The following SYN3 variants were observed in gnomAD, a reference collection of about 807,000 sequenced individuals.
SYN3 encodes synapsin-3.
A neutral mutation model predicts 65.8 loss-of-function variants in SYN3; 35 were observed. The observed-to-expected ratio is 0.53, with a 90% confidence interval of 0.41 to 0.70. The LOEUF (loss-of-function observed/expected upper bound fraction) is 0.70, where lower values mean the gene tolerates loss of function less well. Ranked by LOEUF, SYN3 falls within the 30% of genes least tolerant of loss-of-function variation. SYN3 has a pLI of 0.00. For missense variants in SYN3, 680 were observed against 749.0 expected, an observed-to-expected ratio of 0.91 and a Z score of 1.08; for synonymous variants, 270 against 292.9, an observed-to-expected ratio of 0.92 and a Z score of 0.80.
Position 32,927,545 on chromosome 22 carries a change from T to C in SYN3, c.461+3845A>G, listed in dbSNP as rs893158620. On this transcript the variant is annotated intron_variant, in intron 4 of 13. Transcript: ENST00000358763. ...ATTTACAGGCGTGAGCCACCACACCTGGCCATGTTTACTTTCTTCCCTGAC... is the reference window on the plus strand; with the variant it reads ...ATTTACAGGCGTGAGCCACCACACCCGGCCATGTTTACTTTCTTCCCTGAC... 8.5e-5 allele frequency among the ~76,000 whole-genome samples: 13 copies of C among 152,150 alleles called. 1 individual carries two copies. Among genetic ancestry groups the C allele is most frequent in the Admixed American group, 2.0e-4 (3 of 15,274 alleles).
intron 3 of SYN3, among the ~76,000 whole-genome samples, chr22:32,969,982 T>C (rs2051968513): frequency 6.6e-6 from 1 of 152,366 alleles, no homozygotes; most frequent in Middle Eastern, 3.4e-3. Context: ...TCCCACAAAC[T>C]GCACTGCAAA....
intron 13 of SYN3, among the ~76,000 whole-genome samples, chr22:32,516,336 A>C (rs1410467802): frequency 2.7e-5 from 4 of 146,532 alleles, no homozygotes; most frequent in East Asian, 1.9e-4. Context: ...GCTTTTCAAC[A>C]TACATCTTTG....
At chr22:32,686,147 C>G (rs914126582) in intron 6 of SYN3, among the ~76,000 whole-genome samples, 1 of 151,970 alleles carries the variant, frequency 6.6e-6, no homozygotes, top group South Asian at 2.1e-4. Flanking sequence ...AATAATTTAG[C>G]GAATATGGGT....
At chr22:32,624,895 G>A (rs1247595118) in intron 6 of SYN3, among the ~76,000 whole-genome samples, 1 of 152,198 alleles carries the variant, frequency 6.6e-6, no homozygotes, top group East Asian at 1.9e-4. Context: ...CTCAGAAAGA[G>A]GATGTCACTT....
intron 6 of SYN3, among the ~76,000 whole-genome samples, chr22:32,840,175 G>T (rs929110696): frequency 2.0e-5 from 3 of 152,188 alleles, no homozygotes; most frequent in African/African-American, 7.2e-5. Context: ...CAGCTTTCCA[G>T]ATTTTCTGAG....
At chr22:32,970,582 G>C (rs944935913) in intron 3 of SYN3, among the ~76,000 whole-genome samples, 1 of 150,744 alleles carries the variant, frequency 6.6e-6, no homozygotes, top group Non-Finnish European at 1.5e-5. Context: ...TAAAGACGGA[G>C]AGCTACGTTT....
At chr22:32,674,383 C>A (rs552010181) in intron 6 of SYN3, among the ~76,000 whole-genome samples, 1 of 152,142 alleles carries the variant, frequency 6.6e-6, no homozygotes, top group African/African-American at 2.4e-5. Context: ...ATTTCTCATG[C>A]AAATCTGCCA....
intron 10 of SYN3, 127 bp from the exon 11 acceptor site, chr22:32,529,135 G>T: frequency 8.5e-7 from 1 of 1,173,784 alleles, no homozygotes. Context: ...TGTCCTCCAT[G>T]CAAATCACCT....
At chr22:32,689,508 C>G (rs2147148143) in intron 6 of SYN3, among the ~76,000 whole-genome samples, 1 of 152,330 alleles carries the variant, frequency 6.6e-6, no homozygotes, top group East Asian at 1.9e-4. Context: ...TGGGGATACT[C>G]TGGCCCTGAG....
At chr22:32,761,392 G>A (rs185036521) in intron 6 of SYN3, among the ~76,000 whole-genome samples, 45 of 152,340 alleles carry the variant, frequency 3.0e-4, no homozygotes, top group African/African-American at 1.1e-3. Context: ...ACGAGAAGGG[G>A]TGTGAGATCC....
chr22:32,541,454 TA>T, intron 8 of SYN3, 116 bp downstream of exon 8: 1 of 1,288,970 alleles, frequency 7.8e-7, no homozygotes. Flanking sequence ...AGAAGGGCAG[TA>T]AGGAGACAGG....
At chr22:32,545,737 T>G (rs1305923438) in intron 7 of SYN3, among the ~76,000 whole-genome samples, 1 of 152,132 alleles carries the variant, frequency 6.6e-6, no homozygotes, top group Non-Finnish European at 1.5e-5. Flanking sequence ...ATTTTTGTAT[T>G]TTTAGTAGAG....
chr22:32,862,872 G>T (rs1569285026), intron 6 of SYN3: 1 of 152,644 alleles, frequency 6.6e-6, no homozygotes, highest in Non-Finnish European at 1.5e-5. Flanking sequence ...ACCCTGTCTA[G>T]AAGGAATGTA....
intron 6 of SYN3, among the ~76,000 whole-genome samples, chr22:32,766,791 T>C (rs1323224779): frequency 6.6e-6 from 1 of 152,208 alleles, no homozygotes; most frequent in East Asian, 1.9e-4. Flanking sequence ...CCCTTCAGAA[T>C]AAACCTTTCC....
chr22:32,988,307 A>AAATAATGAT (rs71320962), intron 2 of SYN3, among the ~76,000 whole-genome samples: 65 of 142,608 alleles, frequency 4.6e-4, no homozygotes, highest in South Asian at 1.8e-3. Flanking sequence ...CTCTGTCTCA[A>AAATAATGAT]AATAATAATA....
chr22:32,769,217 C>G (rs2045704178), intron 6 of SYN3, among the ~76,000 whole-genome samples: 1 of 147,822 alleles, frequency 6.8e-6, no homozygotes, highest in Non-Finnish European at 1.5e-5. Context: ...TTCTACTTTA[C>G]AGCAAAAAGT....
chr22:32,918,639 G>A lies in SYN3; in HGVS notation c.461+12751C>T, dbSNP rs531452411. On this transcript the variant is annotated intron_variant, in intron 4 of 13. Coordinates refer to ENST00000358763, the MANE Select transcript of SYN3 (RefSeq NM_003490.4). ...TGGGCCTAGAGAGTGCGGACAGCAC[G>A]GTCTGGCAGGGTCTCCCTGAGGAGG... Among the ~76,000 whole-genome samples the A allele has an allele frequency of 3.9e-5, 6 of 152,338 alleles. No individual in the cohort carries two copies. In the South Asian group the frequency reaches 1.0e-3, roughly 26 times the overall value.
chr22:32,661,814 C>T (rs1048406643), intron 6 of SYN3, among the ~76,000 whole-genome samples: 2 of 152,150 alleles, frequency 1.3e-5, no homozygotes, highest in Non-Finnish European at 2.9e-5. Flanking sequence ...ACTCTATGTA[C>T]AGATGAGGAA....
At chr22:32,642,510 G>C (rs1171730866) in intron 6 of SYN3, among the ~76,000 whole-genome samples, 1 of 151,114 alleles carries the variant, frequency 6.6e-6, no homozygotes, top group Non-Finnish European at 1.5e-5. Context: ...GCGCAATCGC[G>C]GCTCACTGCA....
Sources: gnomAD v4.1 joint callset for allele counts (sites outside exome capture counted in the v4.1 genomes callset) on GRCh38, gnomAD v4.1.1 for gene constraint, MANE v1.5 for transcripts, NCBI Gene and HGNC (gene_info 2026-07-23, HGNC 2026-07-21) for gene names.